Variants in BTBD9 observed in about 807,000 individuals in gnomAD.
The protein encoded by BTBD9 is BTB/POZ domain-containing protein 9.
BTBD9 carries 49 observed loss-of-function variants against 64.3 expected under a neutral mutation model. The ratio of observed to expected loss-of-function variants is 0.76; its 90% confidence interval spans 0.61 to 0.97. The LOEUF (loss-of-function observed/expected upper bound fraction) is 0.97. BTBD9 is among the 50% of genes least tolerant of loss of function. The probability of loss-of-function intolerance (pLI) is 0.00; values close to 1 mark genes in which losing one functional copy is unlikely to be tolerated. For missense variants in BTBD9, 598 were observed against 762.1 expected (o/e 0.78, Z 2.53); for synonymous variants, 260 against 274.7 (o/e 0.95, Z 0.53).
chr6:38,224,770 A>T (rs542650500), intron 9 of BTBD9, among the ~76,000 whole-genome samples: 1 of 152,364 alleles, frequency 6.6e-6, no homozygotes, highest in Admixed American at 6.5e-5. Flanking sequence ...ATTTAATCAG[A>T]GCTATCCAAA....
intron 4 of BTBD9, among the ~76,000 whole-genome samples, chr6:38,583,104 A>G (rs1443398112): frequency 7.2e-5 from 11 of 152,212 alleles, no homozygotes; most frequent in Non-Finnish European, 1.0e-4. Context: ...GTAAAAATAA[A>G]TGTGTTTTCC....
intron 8 of BTBD9, among the ~76,000 whole-genome samples, chr6:38,287,327 G>T (rs1316054765): frequency 6.7e-6 from 1 of 149,330 alleles, no homozygotes; most frequent in Non-Finnish European, 1.5e-5. Flanking sequence ...TTTTTTAATT[G>T]AGATGAGACC....
At chr6:38,547,403 C>A (rs747459164) in intron 6 of BTBD9, among the ~76,000 whole-genome samples, 8 of 152,106 alleles carry the variant, frequency 5.3e-5, no homozygotes, top group Non-Finnish European at 7.3e-5. Context: ...GCACTCCAAT[C>A]TGGGTGACAG....
At chr6:38,277,643 A>G (rs1451211901) in intron 8 of BTBD9, among the ~76,000 whole-genome samples, 2 of 152,172 alleles carry the variant, frequency 1.3e-5, no homozygotes. Context: ...CAGCTACAGA[A>G]CATTTTTGAA....
At chr6:38,375,330 G>A (rs1765638368) in intron 6 of BTBD9, among the ~76,000 whole-genome samples, 1 of 152,156 alleles carries the variant, frequency 6.6e-6, no homozygotes, top group Admixed American at 6.5e-5. Context: ...CCTGCCCCCA[G>A]CGTCAAATAT....
chr6:38,548,989 T>C (rs1402678671), intron 6 of BTBD9, among the ~76,000 whole-genome samples: 2 of 152,208 alleles, frequency 1.3e-5, no homozygotes, highest in Admixed American at 1.3e-4. Flanking sequence ...TTAAGATCTT[T>C]TAGAGGATTT....
At chr6:38,361,518 G>A (rs2127598207) in intron 6 of BTBD9, among the ~76,000 whole-genome samples, 1 of 151,584 alleles carries the variant, frequency 6.6e-6, no homozygotes, top group African/African-American at 2.4e-5. Flanking sequence ...GCTCCAGCCT[G>A]GGTAACAGAA....
intron 6 of BTBD9, among the ~76,000 whole-genome samples, chr6:38,528,977 G>A (rs1773649306): frequency 6.6e-6 from 1 of 152,286 alleles, no homozygotes; most frequent in Admixed American, 6.5e-5. Context: ...GCACCAAGTG[G>A]GCTCCTGGAG....
intron 4 of BTBD9, among the ~76,000 whole-genome samples, chr6:38,591,933 C>T (rs1176779463): frequency 6.6e-6 from 1 of 151,894 alleles, no homozygotes; most frequent in African/African-American, 2.4e-5. Flanking sequence ...GCCTGTAATC[C>T]CAGCACTTTC....
At chr6:38,281,286 G>A (rs993344260) in intron 8 of BTBD9, among the ~76,000 whole-genome samples, 4 of 152,152 alleles carry the variant, frequency 2.6e-5, no homozygotes, top group African/African-American at 4.8e-5. Context: ...AGGAGGTCAC[G>A]GTAATTTACA....
Position 38,542,898 on chromosome 6 carries a change from C to T in BTBD9, c.1154+34702G>A, listed in dbSNP as rs73412303. Among the ~76,000 whole-genome samples the T allele has an allele frequency of 8.3e-3, 1,266 of 152,298 alleles. 18 individuals are homozygous for T. The highest frequency in any genetic ancestry group is 0.029 in the African/African-American group (1,199 of 41,542). ...GTACTACCTGGCCACTGAAAGCAAA[C>T]GAGTTTGTGAACTACTTTCTGTTTT... On this transcript the variant is annotated intron_variant, in intron 6 of 10. Coordinates refer to ENST00000481247, the MANE Select transcript of BTBD9 (RefSeq NM_001099272.2).
chr6:38,508,627 A>C (rs941856486), intron 6 of BTBD9, among the ~76,000 whole-genome samples: 6 of 152,218 alleles, frequency 3.9e-5, no homozygotes, highest in African/African-American at 1.4e-4. Context: ...CAATGGCTCC[A>C]AATGTCTACA....
At chr6:38,219,258 C>T (rs552590229) in intron 9 of BTBD9, among the ~76,000 whole-genome samples, 193 of 150,326 alleles carry the variant, frequency 1.3e-3, no homozygotes, top group African/African-American at 4.5e-3. Context: ...CCTCAGCCTC[C>T]TGAGTAGCTG....
intron 6 of BTBD9, among the ~76,000 whole-genome samples, chr6:38,371,048 T>C (rs2127604876): frequency 6.6e-6 from 1 of 152,344 alleles, no homozygotes; most frequent in East Asian, 1.9e-4. Flanking sequence ...TGATCCATTT[T>C]GTCTCTGCAA....
intron 6 of BTBD9, among the ~76,000 whole-genome samples, chr6:38,574,677 C>A (rs1307065764): frequency 6.6e-6 from 1 of 152,158 alleles, no homozygotes; most frequent in Non-Finnish European, 1.5e-5. Flanking sequence ...ACATCAAACC[C>A]CATGAAGAGG....
intron 6 of BTBD9, among the ~76,000 whole-genome samples, chr6:38,394,083 A>C (rs2127625491): frequency 6.6e-6 from 1 of 152,262 alleles, no homozygotes; most frequent in African/African-American, 2.4e-5. Flanking sequence ...GCAACTATTT[A>C]CTGAGAACCT....
chr6:38,171,557 T>G lies in BTBD9; in HGVS notation c.*3428A>C, dbSNP rs1337852568. 5.1e-3 allele frequency: 1 copy of G among 196 alleles called. No homozygotes were observed. Among genetic ancestry groups the G allele is most frequent in the African/African-American group, 0.013 (1 of 76 alleles). 0.0% of individuals were successfully genotyped at this position (196 alleles called of 1,614,324 possible). ...AGCACTGAGAAAATGGTAAAACGGG[T>G]GTGTGTGTGTGTGTGTGTGTGTGTG... On this transcript the variant is annotated 3_prime_UTR_variant, in exon 11 of 11. Transcript: ENST00000481247.
At chr6:38,194,810 C>T (rs966614561) in intron 9 of BTBD9, among the ~76,000 whole-genome samples, 3 of 152,180 alleles carry the variant, frequency 2.0e-5, no homozygotes, top group African/African-American at 7.2e-5. Flanking sequence ...TCAGTCTGGG[C>T]TCTGGGCTCT....
chr6:38,372,204 A>G (rs769798317), intron 6 of BTBD9, among the ~76,000 whole-genome samples: 6 of 152,230 alleles, frequency 3.9e-5, no homozygotes, highest in Non-Finnish European at 7.3e-5. Flanking sequence ...GCTCACTCAT[A>G]AACCAAAATC....
Sources: gnomAD v4.1 joint callset for allele counts (sites outside exome capture counted in the v4.1 genomes callset) on GRCh38, gnomAD v4.1.1 for gene constraint, MANE v1.5 for transcripts, NCBI Gene and HGNC (gene_info 2026-07-23, HGNC 2026-07-21) for gene names.